Variants in RNF115 observed in about 807,000 individuals in gnomAD.
The protein encoded by RNF115 is ring finger protein 115, also known as E3 ubiquitin-protein ligase RNF115.
A neutral mutation model predicts 39.2 loss-of-function variants in RNF115; 31 were observed. The ratio of observed to expected loss-of-function variants is 0.79; its 90% CI spans 0.59 to 1.07. The LOEUF (loss-of-function observed/expected upper bound fraction) is 1.07, where lower values mean the gene tolerates loss of function less well. Ranked by LOEUF, RNF115 falls within the 50% of genes least tolerant of loss-of-function variation. The pLI is 0.00. For synonymous variants in RNF115, 124 were observed against 131.0 expected (o/e 0.95, Z 0.37); for missense variants, 384 against 381.7 (o/e 1.01, Z -0.05).
In RNF115 at chr1:145,746,675, T is replaced by C; in HGVS notation, c.*191A>G. On this transcript the variant is annotated 3_prime_UTR_variant, in exon 9 of 9. Coordinates refer to ENST00000582693, the MANE Select transcript of RNF115 (RefSeq NM_014455.4). ...CTCTGAATTCAGGGATAAGAGGCATTTGGTTGTAGATACAATTCCATCTGT... is the reference window on the plus strand; with the variant it reads ...CTCTGAATTCAGGGATAAGAGGCATCTGGTTGTAGATACAATTCCATCTGT... 1.8e-6 allele frequency: 1 copy of C among 563,604 alleles called. No individual in the cohort carries two copies. The allele number at this position is 563,604 out of a possible 1,614,324, so 34.9% of individuals were successfully genotyped here.
intron 1 of RNF115, among the ~76,000 whole-genome samples, chr1:145,793,306 G>A (rs971430137): frequency 4.6e-5 from 7 of 152,212 alleles, no homozygotes; most frequent in Non-Finnish European, 8.8e-5. Flanking sequence ...AACACAGCGA[G>A]ACCCTGTATC....
chr1:145,792,675 A>G (rs1386606062), intron 1 of RNF115, among the ~76,000 whole-genome samples: 1 of 152,176 alleles, frequency 6.6e-6, no homozygotes, highest in Non-Finnish European at 1.5e-5. Flanking sequence ...GAGACCTAAA[A>G]TATTTGTCCA....
At chr1:145,791,978 C>T (rs1349420805) in intron 1 of RNF115, among the ~76,000 whole-genome samples, 1 of 152,052 alleles carries the variant, frequency 6.6e-6, no homozygotes, top group Non-Finnish European at 1.5e-5. Context: ...GTTGCCCAGG[C>T]TGGAGTGCAG....
chr1:145,777,248 T>A (rs1301038399), intron 3 of RNF115, among the ~76,000 whole-genome samples: 1 of 152,134 alleles, frequency 6.6e-6, no homozygotes, highest in African/African-American at 2.4e-5. Flanking sequence ...ATATTTAAAA[T>A]CTTGACTGGC....
At chr1:145,764,991 T>G (rs903818543) in intron 4 of RNF115, among the ~76,000 whole-genome samples, 3 of 152,076 alleles carry the variant, frequency 2.0e-5, no homozygotes, top group Non-Finnish European at 4.4e-5. Flanking sequence ...GGGGGAAAGG[T>G]GGGGAAGGGA....
chr1:145,764,189 T>G (rs868986168), intron 4 of RNF115, among the ~76,000 whole-genome samples: 10 of 152,208 alleles, frequency 6.6e-5, no homozygotes, highest in Non-Finnish European at 1.0e-4. Context: ...GTGCCGGGAT[T>G]GCAGACGGAG....
In RNF115 at chr1:145,743,797, AAT is replaced by A. The variant is rs1657766776; in HGVS notation, c.*3067_*3068del. ...CTCCATCTCAAAAAATAAATAAATA[AAT>A]AAATAAATAAATAAATAATAATAAT... On this transcript the variant is annotated 3_prime_UTR_variant, in exon 9 of 9. Transcript: ENST00000582693. 2.3e-5 allele frequency: 1 copy of A among 42,914 alleles called. No homozygotes were observed. 2.7% of individuals were successfully genotyped at this position (42,914 alleles called of 1,614,324 possible).
chr1:145,772,807 C>CTT (rs1553715953), intron 3 of RNF115: 20 of 152,134 alleles, frequency 1.3e-4, no homozygotes, highest in Non-Finnish European at 1.8e-4. Context: ...ACTTCTTAAA[C>CTT]ATGTTTTCTG....
intron 2 of RNF115, among the ~76,000 whole-genome samples, chr1:145,786,635 A>G (rs1648391661): frequency 6.6e-6 from 1 of 152,236 alleles, no homozygotes; most frequent in Non-Finnish European, 1.5e-5. Flanking sequence ...TATTTGCATA[A>G]AAGTACTATC....
rs1657693891 is a variant in RNF115, at chr1:145,741,596, T to TC, written c.*5269dup. On this transcript the variant is annotated 3_prime_UTR_variant, in exon 9 of 9. Coordinates refer to ENST00000582693, the MANE Select transcript of RNF115 (RefSeq NM_014455.4). Reference sequence around the variant, plus strand: ...TGTGATACTTACCCCATCAAAGTTTTCCTCCATCTTACTGTGACAGAACCT... The same window carrying TC: ...TGTGATACTTACCCCATCAAAGTTTTCCCTCCATCTTACTGTGACAGAACCT... The TC allele has an allele frequency of 6.6e-6, 1 of 152,350 alleles. No individual in the cohort carries two copies. Among genetic ancestry groups the TC allele is most frequent in the Non-Finnish European group, 1.5e-5 (1 of 68,060 alleles). The allele number at this position is 152,350 out of a possible 1,614,324, so 9.4% of individuals were successfully genotyped here. A position where few individuals can be genotyped will look rare whatever the true frequency, so the allele number is the denominator to read the frequency against.
rs71077279 is a variant in RNF115, at chr1:145,809,183, A to AT, written c.102+14588dup. ...ACAGGTCTGTGCTTTGTTTTCAAGG[A>AT]TTTTTTTTTTTTTTTTTTTTTGAGA... On this transcript the variant is annotated intron_variant, in intron 1 of 8. Coordinates refer to ENST00000582693, the MANE Select transcript of RNF115 (RefSeq NM_014455.4). Among the ~76,000 whole-genome samples, 91 of 134,038 alleles carry AT rather than the reference A, an allele frequency of 6.8e-4. No homozygotes were observed. In the Middle Eastern group the frequency reaches 0.011, roughly 17 times the overall value. 87.9% of individuals were successfully genotyped at this position (134,038 alleles called of 152,430 possible).
chr1:145,819,105 C>A (rs1242029059), intron 1 of RNF115, among the ~76,000 whole-genome samples: 1 of 146,976 alleles, frequency 6.8e-6, no homozygotes, highest in African/African-American at 2.5e-5. Context: ...AACTGAAATT[C>A]TGAACAGACC....
chr1:145,776,585 T>G (rs1320191164), intron 3 of RNF115, among the ~76,000 whole-genome samples: 1 of 151,890 alleles, frequency 6.6e-6, no homozygotes, highest in Non-Finnish European at 1.5e-5. Flanking sequence ...ACATCTGTAA[T>G]CCCAGCACTC....
At chr1:145,802,962 C>T (rs955283122) in intron 1 of RNF115, among the ~76,000 whole-genome samples, 1 of 152,108 alleles carries the variant, frequency 6.6e-6, no homozygotes, top group African/African-American at 2.4e-5. Flanking sequence ...AAGTGAACCC[C>T]AAAACAAAGA....
intron 3 of RNF115, 48 bp from the exon 4 acceptor site, chr1:145,771,967 A>C: frequency 6.9e-7 from 1 of 1,458,956 alleles, no homozygotes; most frequent in Non-Finnish European, 9.5e-7. Flanking sequence ...TCAATCAATA[A>C]ACACCTGGAT....
intron 4 of RNF115, among the ~76,000 whole-genome samples, chr1:145,767,371 G>A (rs1291234620): frequency 6.6e-6 from 1 of 151,966 alleles, no homozygotes; most frequent in African/African-American, 2.4e-5. Context: ...TCACATCCCA[G>A]ACGGGGTGGC....
intron 4 of RNF115, among the ~76,000 whole-genome samples, chr1:145,762,823 A>C: frequency 6.6e-6 from 1 of 152,324 alleles, no homozygotes. Flanking sequence ...TATTCTTTAC[A>C]TAGCCATAAA....
chr1:145,803,222 C>A (rs1307526045), intron 1 of RNF115, among the ~76,000 whole-genome samples: 2 of 150,646 alleles, frequency 1.3e-5, no homozygotes, highest in African/African-American at 2.4e-5. Flanking sequence ...TAAAGAAAAT[C>A]AGTTTACTAA....
intron 4 of RNF115, among the ~76,000 whole-genome samples, chr1:145,766,613 C>T (rs1239642328): frequency 2.0e-5 from 3 of 147,596 alleles, no homozygotes; most frequent in Non-Finnish European, 4.5e-5. Flanking sequence ...GGCGGCTGGC[C>T]GGGCGGGGGG....
Sources: gnomAD v4.1 joint callset for allele counts (sites outside exome capture counted in the v4.1 genomes callset) on GRCh38, gnomAD v4.1.1 for gene constraint, MANE v1.5 for transcripts, NCBI Gene and HGNC (gene_info 2026-07-23, HGNC 2026-07-21) for gene names.